The following SEMA5A variants were observed in gnomAD, a reference collection of about 807,000 sequenced individuals.
SEMA5A encodes semaphorin 5A.
SEMA5A carries 55 observed loss-of-function variants against 135.5 expected under a neutral mutation model. That is an observed-to-expected ratio of 0.41 (90% CI 0.33 to 0.51). The LOEUF is 0.51. SEMA5A is among the 20% of genes least tolerant of loss of function. SEMA5A has a pLI of 0.37. For missense variants in SEMA5A, 1,290 were observed against 1,419.9 expected (o/e 0.91, Z 1.47); for synonymous variants, 580 against 546.5 (o/e 1.06, Z -0.85).
intron 8 of SEMA5A, among the ~76,000 whole-genome samples, chr5:9,211,781 G>C (rs1257211821): frequency 6.6e-6 from 1 of 152,218 alleles, no homozygotes; most frequent in African/African-American, 2.4e-5. Flanking sequence ...CTTAATGCTT[G>C]AGTAACATCA....
chr5:9,490,813 C>A (rs1561294728), intron 1 of SEMA5A, among the ~76,000 whole-genome samples: 1 of 152,184 alleles, frequency 6.6e-6, no homozygotes, highest in Non-Finnish European at 1.5e-5. Context: ...TTAGGCAAGA[C>A]TTAAATCTGG....
intron 15 of SEMA5A, among the ~76,000 whole-genome samples, chr5:9,112,164 G>C (rs78064669): frequency 0.026 from 3,963 of 152,224 alleles, 88 homozygotes; most frequent in Non-Finnish European, 0.036. Flanking sequence ...TTTTGCCCAT[G>C]ACTGCTTATT....
At chr5:9,113,093 T>C (rs966356926) in intron 15 of SEMA5A, among the ~76,000 whole-genome samples, 2 of 152,224 alleles carry the variant, frequency 1.3e-5, no homozygotes, top group Admixed American at 6.5e-5. Flanking sequence ...AGGGCCTCTA[T>C]GTTGATTTCA....
At chr5:9,225,034 A>G (rs1747215826) in intron 7 of SEMA5A, 147 bp from the exon 8 acceptor site, 2 of 646,098 alleles carry the variant, frequency 3.1e-6, no homozygotes, top group Non-Finnish European at 2.7e-6. Context: ...TTTACATTCC[A>G]ACTGATGTAA....
At chr5:9,503,305 CAGGGAAGAG>C (rs1433275805) in intron 1 of SEMA5A, among the ~76,000 whole-genome samples, 1 of 152,124 alleles carries the variant, frequency 6.6e-6, no homozygotes. Flanking sequence ...TGAGGTTCAG[CAGGGAAGAG>C]GAAGCTAAAA....
chr5:9,284,161 T>G (rs975636272), intron 5 of SEMA5A, among the ~76,000 whole-genome samples: 5 of 151,830 alleles, frequency 3.3e-5, no homozygotes, highest in African/African-American at 1.2e-4. Flanking sequence ...CTGTGCCAAA[T>G]TTTTTTCTTG....
chr5:9,523,627 G>A (rs889198198), intron 1 of SEMA5A, among the ~76,000 whole-genome samples: 1 of 152,160 alleles, frequency 6.6e-6, no homozygotes, highest in African/African-American at 2.4e-5. Flanking sequence ...TCACCCTCCT[G>A]GGTGAACTCT....
intron 11 of SEMA5A, among the ~76,000 whole-genome samples, chr5:9,159,589 T>G (rs1743136441): frequency 6.6e-6 from 1 of 152,176 alleles, no homozygotes; most frequent in Non-Finnish European, 1.5e-5. Context: ...ATAGGAATGC[T>G]TTTACACTGC....
intron 5 of SEMA5A, 147 bp downstream of exon 5, chr5:9,318,225 G>C (rs766345900): frequency 1.7e-6 from 1 of 589,414 alleles, no homozygotes. Flanking sequence ...AAGTAGGGCC[G>C]CCTTAGTCCC....
intron 5 of SEMA5A, among the ~76,000 whole-genome samples, chr5:9,274,173 A>G (rs1453908896): frequency 6.6e-6 from 1 of 152,174 alleles, no homozygotes; most frequent in East Asian, 1.9e-4. Context: ...CAGCAAAAAT[A>G]AAGCAGGGGT....
chr5:9,253,941 T>C (rs943502525), intron 5 of SEMA5A, among the ~76,000 whole-genome samples: 2 of 152,202 alleles, frequency 1.3e-5, no homozygotes, highest in African/African-American at 2.4e-5. Context: ...CAGTTAACTT[T>C]GCTCCTCCAT....
intron 1 of SEMA5A, among the ~76,000 whole-genome samples, chr5:9,477,697 T>G (rs568710904): frequency 1.3e-5 from 2 of 152,200 alleles, no homozygotes; most frequent in Admixed American, 6.5e-5. Flanking sequence ...TTACTCAAGA[T>G]GTGACCTGGG....
At chr5:9,474,224 T>C (rs903042639) in intron 1 of SEMA5A, among the ~76,000 whole-genome samples, 1 of 151,792 alleles carries the variant, frequency 6.6e-6, no homozygotes, top group African/African-American at 2.4e-5. Context: ...TTACGTGGAG[T>C]CCGAGCATCC....
intron 2 of SEMA5A, among the ~76,000 whole-genome samples, chr5:9,390,515 ATAAACT>A (rs1756114121): frequency 6.6e-6 from 1 of 152,272 alleles, no homozygotes. Context: ...TAGACTGCTA[ATAAACT>A]TAGATAAACT....
intron 5 of SEMA5A, among the ~76,000 whole-genome samples, chr5:9,306,911 A>T (rs1751897115): frequency 1.3e-5 from 2 of 152,184 alleles, no homozygotes; most frequent in Non-Finnish European, 2.9e-5. Context: ...ATGCTCCTTT[A>T]TTCAAATGGT....
At chr5:9,514,634 T>G (rs759660233) in intron 1 of SEMA5A, among the ~76,000 whole-genome samples, 7 of 152,202 alleles carry the variant, frequency 4.6e-5, no homozygotes, top group Non-Finnish European at 1.0e-4. Context: ...AAGTAAATAG[T>G]TGTTATACTG....
intron 5 of SEMA5A, among the ~76,000 whole-genome samples, chr5:9,278,563 C>T (rs1056500040): frequency 1.2e-4 from 19 of 152,218 alleles, no homozygotes; most frequent in African/African-American, 4.6e-4. Flanking sequence ...ATCTCCAGAG[C>T]ATTTCAGAGA....
chr5:9,512,968 GA>G (rs1305599921), intron 1 of SEMA5A, among the ~76,000 whole-genome samples: 1 of 151,430 alleles, frequency 6.6e-6, no homozygotes, highest in Admixed American at 6.6e-5. Flanking sequence ...CCAAAGCAAG[GA>G]ACGCATTAAT....
chr5:9,323,488 A>T (rs930962035), intron 4 of SEMA5A, among the ~76,000 whole-genome samples: 2 of 152,102 alleles, frequency 1.3e-5, no homozygotes, highest in Non-Finnish European at 2.9e-5. Flanking sequence ...AAGCTTTCTT[A>T]AAAAAATTAA....
Sources: gnomAD v4.1 joint callset for allele counts (sites outside exome capture counted in the v4.1 genomes callset) on GRCh38, gnomAD v4.1.1 for gene constraint, MANE v1.5 for transcripts, NCBI Gene and HGNC (gene_info 2026-07-23, HGNC 2026-07-21) for gene names.